The following DLC1 variants were observed in gnomAD, a reference collection of about 807,000 sequenced individuals.
DLC1 encodes the protein rho GTPase-activating protein 7.
In DLC1, 54 loss-of-function variants were observed where a neutral mutation model predicts 140.3. The ratio of observed to expected loss-of-function variants is 0.38; its 90% confidence interval spans 0.31 to 0.48. The LOEUF is 0.48. Among genes scored for constraint, DLC1 ranks in the 20% least tolerant of loss-of-function variants. DLC1 has a pLI of 0.96. For missense variants in DLC1, 2,536 were observed against 1,907.0 expected (o/e 1.33, Z -6.14); for synonymous variants, 986 against 728.1 (o/e 1.35, Z -5.70).
chr8:13,418,670 T>C (rs11778415), intron 2 of DLC1, among the ~76,000 whole-genome samples: 42,206 of 152,082 alleles, frequency 0.28, 6,199 homozygotes, highest in Middle Eastern at 0.35. Flanking sequence ...TTTGTTCTTT[T>C]GGCTTAGGAT....
intron 1 of DLC1, among the ~76,000 whole-genome samples, chr8:13,509,963 A>G (rs1802279125): frequency 6.6e-6 from 1 of 152,136 alleles, no homozygotes; most frequent in Non-Finnish European, 1.5e-5. Context: ...AGTCCATGGC[A>G]CATTTCAAGC....
chr8:13,107,019 C>T (rs868046666), intron 7 of DLC1, among the ~76,000 whole-genome samples: 1 of 152,322 alleles, frequency 6.6e-6, no homozygotes, highest in Middle Eastern at 3.4e-3. Flanking sequence ...GTATAGCTCT[C>T]ATAATATTGG....
chr8:13,216,951 G>A (rs1828230957), intron 5 of DLC1, among the ~76,000 whole-genome samples: 1 of 152,076 alleles, frequency 6.6e-6, no homozygotes, highest in African/African-American at 2.4e-5. Flanking sequence ...TGAAACTTGA[G>A]GCTGTGGGCA....
chr8:13,156,554 A>T (rs889689489), intron 5 of DLC1, among the ~76,000 whole-genome samples: 4 of 152,220 alleles, frequency 2.6e-5, no homozygotes, highest in African/African-American at 9.6e-5. Context: ...CTCTTGAGTC[A>T]TTGGCGGGCT....
At chr8:13,360,711 C>T (rs1835183133) in intron 4 of DLC1, among the ~76,000 whole-genome samples, 1 of 151,340 alleles carries the variant, frequency 6.6e-6, no homozygotes. Context: ...TCTGATCATA[C>T]AAGTAATCCA....
intron 5 of DLC1, among the ~76,000 whole-genome samples, chr8:13,206,759 T>G (rs1278396067): frequency 6.6e-6 from 1 of 152,168 alleles, no homozygotes; most frequent in Non-Finnish European, 1.5e-5. Flanking sequence ...TTACAATATT[T>G]GAAATGAGGT....
chr8:13,504,041 T>C (rs1168371686), intron 1 of DLC1, among the ~76,000 whole-genome samples: 1 of 151,940 alleles, frequency 6.6e-6, no homozygotes, highest in East Asian at 1.9e-4. Context: ...GAGGTAACAA[T>C]AAATTCCAGA....
At chr8:13,106,301 T>C (rs1325405943) in intron 7 of DLC1, among the ~76,000 whole-genome samples, 1 of 152,088 alleles carries the variant, frequency 6.6e-6, no homozygotes, top group Admixed American at 6.5e-5. Flanking sequence ...TTACAATTCT[T>C]AAAGATATTT....
In DLC1 at chr8:13,100,434, C is replaced by T; in HGVS notation, c.1903G>A (p.Asp635Asn). 1 of 1,613,964 alleles carries T rather than the reference C, an allele frequency of 6.2e-7. No individual in the cohort carries two copies. The highest frequency in any genetic ancestry group is 8.5e-7 in the Non-Finnish European group (1 of 1,180,030). Residue 635 changes from aspartate to asparagine, a missense_variant, in exon 9 of 18, where the codon GAC becomes AAC. Asp to Asn is a conservative substitution (Grantham distance 23). Coordinates refer to ENST00000276297, the MANE Select transcript of DLC1 (RefSeq NM_182643.3). ...GGAGAGGGCAGGCTGCCGAAAGAGTCGTCATTGCCTGCCAAGTTGCTGGAG... is the reference window on the plus strand; with the variant it reads ...GGAGAGGGCAGGCTGCCGAAAGAGTTGTCATTGCCTGCCAAGTTGCTGGAG... ...CSSSNLAGND[D>N]SFGSLPSPKE...
At position 13,587,841 on chromosome 8, in the gene DLC1, T is replaced by G. The variant is rs549280833; in HGVS notation, c.-126+16696A>C. Among the ~76,000 whole-genome samples the G allele has an allele frequency of 4.1e-4, 60 of 145,842 alleles. No homozygotes were observed. The South Asian group carries it at 0.013, about 31-fold the overall frequency. On this transcript the variant is annotated intron_variant, in intron 1 of 1. Transcript: ENST00000631382. ...CTCAGATTCACACTTTTCTCTAAAT[T>G]TCTCCTGTATCATATCATGCCCCAA...
intron 2 of DLC1, among the ~76,000 whole-genome samples, chr8:13,436,146 G>A (rs921416200): frequency 1.3e-5 from 2 of 152,218 alleles, no homozygotes; most frequent in African/African-American, 4.8e-5. Context: ...CCCTTACTGG[G>A]ACATTTGCTT....
intron 4 of DLC1, among the ~76,000 whole-genome samples, chr8:13,381,438 G>C (rs1563300112): frequency 6.6e-6 from 1 of 152,200 alleles, no homozygotes; most frequent in Non-Finnish European, 1.5e-5. Context: ...ATGTCTGGTA[G>C]AGTCCACTGT....
intron 7 of DLC1, among the ~76,000 whole-genome samples, chr8:13,105,956 A>G (rs944376885): frequency 1.3e-5 from 2 of 152,198 alleles, no homozygotes; most frequent in African/African-American, 4.8e-5. Context: ...TTCCTCACAC[A>G]GTGGCTGATA....
chr8:13,155,657 T>A lies in DLC1; in HGVS notation c.1349-40000A>T, dbSNP rs1016426185. On this transcript the variant is annotated intron_variant, in intron 5 of 17. Transcript: ENST00000276297. Reference sequence around the variant, plus strand: ...GCTATATTAAGTTGCAATTTGAGGGTCTTCATTATGACTCTGATAAAAATT... The same window carrying A: ...GCTATATTAAGTTGCAATTTGAGGGACTTCATTATGACTCTGATAAAAATT... Among the ~76,000 whole-genome samples, 7 of 152,200 alleles carry A rather than the reference T, an allele frequency of 4.6e-5. 1 individual carries two copies. The highest frequency in any genetic ancestry group is 2.6e-4 in the Admixed American group (4 of 15,284).
intron 1 of DLC1, among the ~76,000 whole-genome samples, chr8:13,531,831 T>C (rs1803108460): frequency 6.6e-6 from 1 of 152,184 alleles, no homozygotes; most frequent in South Asian, 2.1e-4. Flanking sequence ...CAAAACATTT[T>C]GCATACTTAT....
intron 2 of DLC1, among the ~76,000 whole-genome samples, chr8:13,472,467 AATTC>A (rs2117076536): frequency 6.6e-6 from 1 of 152,346 alleles, no homozygotes; most frequent in East Asian, 1.9e-4. Flanking sequence ...CTTGCGTAGA[AATTC>A]ATTCCATATC....
chr8:13,150,755 G>A (rs143417070), intron 5 of DLC1, among the ~76,000 whole-genome samples: 2 of 152,156 alleles, frequency 1.3e-5, no homozygotes, highest in East Asian at 1.9e-4. Flanking sequence ...TCAGATAAAG[G>A]CTTCAAGCAT....
chr8:13,521,666 C>T (rs943207293), intron 1 of DLC1, among the ~76,000 whole-genome samples: 1 of 152,142 alleles, frequency 6.6e-6, no homozygotes, highest in Non-Finnish European at 1.5e-5. Flanking sequence ...CACAATGCAG[C>T]ACTGTGCAAC....
In DLC1 at chr8:13,100,234, C is replaced by T. The variant is rs759918879; in HGVS notation, c.2103G>A (p.Glu701=). 1.2e-6 allele frequency: 2 copies of T among 1,614,192 alleles called. No individual in the cohort carries two copies. Among genetic ancestry groups the T allele is most frequent in the Non-Finnish European group, 8.5e-7 (1 of 1,180,048 alleles). The change falls in exon 9 of 18, where the codon GAG becomes GAA. Residue 701 remains glutamate, a synonymous_variant. Coordinates refer to ENST00000276297, the MANE Select transcript of DLC1 (RefSeq NM_182643.3). ...GLIISGPILQ[E]GMDEEKLKQL... ...GCTTCAGCTTCTCCTCATCCATCCC[C>T]TCTTGCAAGATGGGCCCGCTGATGA...
Sources: gnomAD v4.1 joint callset for allele counts (sites outside exome capture counted in the v4.1 genomes callset) on GRCh38, gnomAD v4.1.1 for gene constraint, MANE v1.5 for transcripts, NCBI Gene and HGNC (gene_info 2026-07-23, HGNC 2026-07-21) for gene names.